Variants in TMEM272 observed in about 807,000 individuals in gnomAD.
TMEM272 encodes transmembrane protein 272, also known as long intergenic non-protein coding RNA 282.
Under a neutral mutation model 3.7 loss-of-function variants are expected in TMEM272, and 8 were observed. That is an observed-to-expected ratio of 2.17 (90% confidence interval 1.27 to 3.91). The LOEUF is 3.91. TMEM272 is among the 30% of genes most tolerant of loss of function. The pLI, the probability that TMEM272 is intolerant of heterozygous loss-of-function variation, is 0.00. For missense variants in TMEM272, 166 were observed against 91.5 expected, an observed-to-expected ratio of 1.81 and a Z score of -3.32; for synonymous variants, 63 against 39.8, an observed-to-expected ratio of 1.58 and a Z score of -2.20.
the TMEM272 span, among the ~76,000 whole-genome samples, chr13:51,865,082 T>C: frequency 2.0e-5 from 3 of 152,232 alleles, no homozygotes; most frequent in Non-Finnish European, 2.9e-5. Context: ...GATACCCTAG[T>C]TGACAGCCAC....
chr13:51,864,930 A>G, the TMEM272 span, among the ~76,000 whole-genome samples: 3 of 152,166 alleles, frequency 2.0e-5, no homozygotes, highest in African/African-American at 7.2e-5. Context: ...CCAGGCTCGT[A>G]ACAGAGGACA....
the TMEM272 span, among the ~76,000 whole-genome samples, chr13:51,929,221 C>G: frequency 6.6e-6 from 1 of 152,030 alleles, no homozygotes; most frequent in Non-Finnish European, 1.5e-5. Flanking sequence ...TATAAACTTG[C>G]AAGAATATTT....
the TMEM272 span, among the ~76,000 whole-genome samples, chr13:51,850,275 A>T: frequency 1.3e-5 from 2 of 152,180 alleles, no homozygotes; most frequent in Non-Finnish European, 2.9e-5. Flanking sequence ...CTATTAAGTA[A>T]TGATGATTTC....
Position 51,816,825 on chromosome 13 carries a change from GCA to G in TMEM272, c.488_489del (p.Val163AlafsTer23), listed in dbSNP as rs1296050796. 3 of 702,936 alleles carry G rather than the reference GCA, an allele frequency of 4.3e-6. No individual in the cohort carries two copies. Among genetic ancestry groups the G allele is most frequent in the Non-Finnish European group, 7.8e-6 (3 of 385,014 alleles). The allele number at this position is 702,936 out of a possible 1,614,324, so 43.5% of individuals were successfully genotyped here. On this transcript the variant is annotated frameshift_variant, in exon 5 of 5. Coordinates refer to ENST00000629372, the MANE Select transcript of TMEM272 (RefSeq NM_001351003.2). LOFTEE classifies it low-confidence loss of function (END_TRUNC). The stretch of plus-strand genomic sequence containing the variant: ...CCGCTGCACAGCAGGAGCAAGACCA[GCA>G]CAGTGTGACTGAGCGCCAGGACTCC... ...AVGVLALSHT[V>X]LVLLLLCSGC... is the part of the protein sequence containing the mutation.
chr13:51,870,296 T>C, the TMEM272 span, among the ~76,000 whole-genome samples: 1 of 152,234 alleles, frequency 6.6e-6, no homozygotes, highest in Admixed American at 6.5e-5. Flanking sequence ...GAGCCATCCA[T>C]TTTATTAGGA....
At chr13:51,927,178 A>C in the TMEM272 span, among the ~76,000 whole-genome samples, 1 of 152,244 alleles carries the variant, frequency 6.6e-6, no homozygotes, top group Non-Finnish European at 1.5e-5. Context: ...AATAGGAAGG[A>C]GAAAATGGAA....
the TMEM272 span, among the ~76,000 whole-genome samples, chr13:51,919,234 G>A: frequency 2.0e-5 from 3 of 152,160 alleles, no homozygotes; most frequent in South Asian, 4.2e-4. Flanking sequence ...CCAGACCCAC[G>A]TGTATTTTTA....
the TMEM272 span, among the ~76,000 whole-genome samples, chr13:51,915,415 A>C: frequency 6.6e-6 from 1 of 152,236 alleles, no homozygotes; most frequent in Non-Finnish European, 1.5e-5. Flanking sequence ...GATGTGCTTA[A>C]AAGTATATAG....
the TMEM272 span, among the ~76,000 whole-genome samples, chr13:51,931,224 A>G: frequency 2.0e-5 from 3 of 152,004 alleles, no homozygotes; most frequent in Non-Finnish European, 4.4e-5. Flanking sequence ...ATGCCCATCA[A>G]TGATAGACTG....
At chr13:51,869,491 A>AT in the TMEM272 span, among the ~76,000 whole-genome samples, 1,762 of 142,766 alleles carry the variant, frequency 0.012, 16 homozygotes, top group African/African-American at 0.021. Flanking sequence ...CAATTCAGTA[A>AT]TTTTTTTTTT....
chr13:51,910,428 G>T, the TMEM272 span: 2 of 948,344 alleles, frequency 2.1e-6, no homozygotes, highest in Non-Finnish European at 1.7e-6. Flanking sequence ...ACTCCTAACC[G>T]ATCTAAAACT....
At chr13:51,928,892 T>C in the TMEM272 span, among the ~76,000 whole-genome samples, 1,946 of 152,252 alleles carry the variant, frequency 0.013, 48 homozygotes, top group African/African-American at 0.045. Context: ...TTAAAAAATG[T>C]TCAAGCCTTA....
the TMEM272 span, among the ~76,000 whole-genome samples, chr13:51,853,533 G>A: frequency 6.6e-6 from 1 of 152,226 alleles, no homozygotes; most frequent in Non-Finnish European, 1.5e-5. Context: ...AGAGGAAGAG[G>A]AGGTGTTGGT....
the TMEM272 span, among the ~76,000 whole-genome samples, chr13:51,893,691 A>T: frequency 6.6e-6 from 1 of 152,124 alleles, no homozygotes; most frequent in Non-Finnish European, 1.5e-5. Context: ...TCACCAGGGA[A>T]TGTGATCGTG....
chr13:51,869,911 G>A, the TMEM272 span, among the ~76,000 whole-genome samples: 3 of 152,150 alleles, frequency 2.0e-5, no homozygotes, highest in African/African-American at 7.2e-5. Context: ...TTCTCTCCTG[G>A]TTGTGCTCAT....
At chr13:51,927,554 A>G in the TMEM272 span, among the ~76,000 whole-genome samples, 6 of 152,350 alleles carry the variant, frequency 3.9e-5, no homozygotes, top group Non-Finnish European at 8.8e-5. Context: ...GGGCTGAATG[A>G]CATAAGGTCC....
chr13:51,911,318 G>A, the TMEM272 span, among the ~76,000 whole-genome samples: 1 of 152,168 alleles, frequency 6.6e-6, no homozygotes, highest in Non-Finnish European at 1.5e-5. Flanking sequence ...GCTCACCTCT[G>A]CCTAGCATGA....
At chr13:51,861,405 T>G in the TMEM272 span, among the ~76,000 whole-genome samples, 1 of 152,152 alleles carries the variant, frequency 6.6e-6, no homozygotes, top group African/African-American at 2.4e-5. Flanking sequence ...ATATGTTAAT[T>G]TACTTGACTA....
the TMEM272 span, among the ~76,000 whole-genome samples, chr13:51,905,122 G>C: frequency 6.6e-6 from 1 of 152,236 alleles, no homozygotes; most frequent in South Asian, 2.1e-4. Context: ...TGAGCTAAGA[G>C]AAACAGCAGA....
Sources: gnomAD v4.1 joint callset for allele counts (sites outside exome capture counted in the v4.1 genomes callset) on GRCh38, gnomAD v4.1.1 for gene constraint, MANE v1.5 for transcripts, NCBI Gene and HGNC (gene_info 2026-07-23, HGNC 2026-07-21) for gene names.